Variants in GRM1 observed in about 807,000 individuals in gnomAD.
The protein encoded by GRM1 is glutamate metabotropic receptor 1.
Under a neutral mutation model 90.9 loss-of-function variants are expected in GRM1, and 33 were observed. That is an observed-to-expected ratio of 0.36 (90% CI 0.28 to 0.49). The LOEUF is 0.49. GRM1 is among the 20% of genes least tolerant of loss of function. GRM1 has a pLI of 0.99. For synonymous variants in GRM1, 700 were observed against 613.2 expected, an observed-to-expected ratio of 1.14 and a Z score of -2.09; for missense variants, 1,190 against 1,534.3, an observed-to-expected ratio of 0.78 and a Z score of 3.75.
At chr6:146,364,528 A>G (rs1320257384) in intron 5 of GRM1, among the ~76,000 whole-genome samples, 1 of 152,198 alleles carries the variant, frequency 6.6e-6, no homozygotes, top group Non-Finnish European at 1.5e-5. Context: ...TTTCATGCCT[A>G]CTAACGTGGA....
intron 1 of GRM1, among the ~76,000 whole-genome samples, chr6:146,122,105 A>T (rs947348526): frequency 6.6e-6 from 1 of 152,070 alleles, no homozygotes; most frequent in African/African-American, 2.4e-5. Context: ...GCTTCCAAAG[A>T]TCAAAAGAGA....
intron 2 of GRM1, among the ~76,000 whole-genome samples, chr6:146,166,715 G>A (rs952069035): frequency 2.0e-5 from 3 of 152,036 alleles, no homozygotes; most frequent in African/African-American, 4.8e-5. Context: ...GTTGCCTGGG[G>A]CCTACCAATG....
chr6:146,294,842 A>G (rs1325136811), intron 2 of GRM1, among the ~76,000 whole-genome samples: 1 of 152,112 alleles, frequency 6.6e-6, no homozygotes, highest in East Asian at 1.9e-4. Context: ...TACTATAACA[A>G]CCTCTACTGT....
intron 2 of GRM1, among the ~76,000 whole-genome samples, chr6:146,186,781 T>A (rs1296512610): frequency 6.6e-6 from 1 of 152,170 alleles, no homozygotes; most frequent in East Asian, 1.9e-4. Context: ...CCACAACATT[T>A]TAGTGATTTA....
chr6:146,117,939 T>A (rs1367412297), intron 1 of GRM1, among the ~76,000 whole-genome samples: 1 of 152,042 alleles, frequency 6.6e-6, no homozygotes, highest in African/African-American at 2.4e-5. Flanking sequence ...TTTATTCAGC[T>A]TTGTATACAT....
intron 2 of GRM1, among the ~76,000 whole-genome samples, chr6:146,282,845 A>G (rs1782624141): frequency 6.6e-6 from 1 of 152,236 alleles, no homozygotes; most frequent in Non-Finnish European, 1.5e-5. Context: ...TACCAGCAGC[A>G]TATTCTGTTC....
rs762289016 is a variant in GRM1, at chr6:146,434,961, A to G, written c.*165A>G. The G allele has an allele frequency of 1.4e-6, 1 of 699,784 alleles. No homozygotes were observed. The allele number at this position is 699,784 out of a possible 1,614,324, so 43.3% of individuals were successfully genotyped here. On this transcript the variant is annotated 3_prime_UTR_variant, in exon 8 of 8. Coordinates refer to ENST00000282753, the MANE Select transcript of GRM1 (RefSeq NM_001278064.2). ...ACTGCTGCTGCTGCCTTAAGTAGGAAGAGAGGGAAGGACACCAAGCAAAAA... is the reference window on the plus strand; with the variant it reads ...ACTGCTGCTGCTGCCTTAAGTAGGAGGAGAGGGAAGGACACCAAGCAAAAA...
chr6:146,255,855 T>C (rs1781459428), intron 2 of GRM1, among the ~76,000 whole-genome samples: 1 of 152,144 alleles, frequency 6.6e-6, no homozygotes, highest in African/African-American at 2.4e-5. Context: ...TATCCACTCA[T>C]TCCTGTGTCT....
At chr6:146,041,084 T>C (rs1253663912) in intron 1 of GRM1, among the ~76,000 whole-genome samples, 1 of 152,020 alleles carries the variant, frequency 6.6e-6, no homozygotes, top group Admixed American at 6.6e-5. Context: ...ACTCCAAAAT[T>C]TCTGTTTAAC....
At chr6:146,225,486 C>A (rs1379252584) in intron 2 of GRM1, among the ~76,000 whole-genome samples, 1 of 152,214 alleles carries the variant, frequency 6.6e-6, no homozygotes, top group South Asian at 2.1e-4. Context: ...GGTTTTTAAA[C>A]AACACTTTTA....
intron 2 of GRM1, among the ~76,000 whole-genome samples, chr6:146,185,809 T>C (rs2114562132): frequency 6.6e-6 from 1 of 152,328 alleles, no homozygotes; most frequent in East Asian, 1.9e-4. Flanking sequence ...TATCTCTAAC[T>C]ATTGTCCATT....
intron 3 of GRM1, among the ~76,000 whole-genome samples, chr6:146,346,712 G>A (rs988901424): frequency 1.3e-5 from 2 of 152,090 alleles, no homozygotes; most frequent in Non-Finnish European, 2.9e-5. Flanking sequence ...ATAAATCTAA[G>A]ACTCAGGCAA....
At chr6:146,108,476 G>A (rs978401818) in intron 1 of GRM1, among the ~76,000 whole-genome samples, 1 of 152,160 alleles carries the variant, frequency 6.6e-6, no homozygotes, top group Non-Finnish European at 1.5e-5. Context: ...CATTTGAAAT[G>A]TGCCTTTCAC....
chr6:146,248,617 C>G (rs924503829), intron 2 of GRM1, among the ~76,000 whole-genome samples: 6 of 152,158 alleles, frequency 3.9e-5, no homozygotes. Context: ...TATAACTTAC[C>G]CAGTCTCAGG....
At position 146,337,887 on chromosome 6, in the gene GRM1, C is replaced by G. The variant is rs564127133; in HGVS notation, c.1187-14363C>G. On this transcript the variant is annotated intron_variant, in intron 3 of 7. Coordinates refer to ENST00000282753, the MANE Select transcript of GRM1 (RefSeq NM_001278064.2). ...AGAAAACAAAAAGAATAATTTTGCA[C>G]TTGTCAAACTGGCATATATTATACA... Among the ~76,000 whole-genome samples the G allele has an allele frequency of 2.0e-5, 3 of 152,268 alleles. No individual in the cohort carries two copies. In the South Asian group the frequency reaches 6.2e-4, roughly 32 times the overall value.
intron 3 of GRM1, among the ~76,000 whole-genome samples, chr6:146,342,615 A>T (rs908668885): frequency 6.6e-6 from 1 of 152,190 alleles, no homozygotes; most frequent in South Asian, 2.1e-4. Context: ...TTCATCAATA[A>T]GTTGAGGTTA....
intron 1 of GRM1, among the ~76,000 whole-genome samples, chr6:146,034,651 G>A (rs961057554): frequency 2.6e-5 from 4 of 151,726 alleles, no homozygotes; most frequent in South Asian, 2.1e-4. Flanking sequence ...AACCATATAC[G>A]TTAAAACCTG....
intron 2 of GRM1, among the ~76,000 whole-genome samples, chr6:146,160,203 C>T (rs1196381009): frequency 6.6e-6 from 1 of 152,110 alleles, no homozygotes; most frequent in African/African-American, 2.4e-5. Context: ...TGGCTAAAGA[C>T]AAGTGAAGAT....
At chr6:146,046,189 A>T (rs1250834083) in intron 1 of GRM1, among the ~76,000 whole-genome samples, 2 of 152,054 alleles carry the variant, frequency 1.3e-5, no homozygotes, top group African/African-American at 2.4e-5. Flanking sequence ...ACTTTTATAT[A>T]CATACAATTA....
Sources: gnomAD v4.1 joint callset for allele counts (sites outside exome capture counted in the v4.1 genomes callset) on GRCh38, gnomAD v4.1.1 for gene constraint, MANE v1.5 for transcripts, NCBI Gene and HGNC (gene_info 2026-07-23, HGNC 2026-07-21) for gene names.